ZIM2: variants seen among roughly 807,000 people sequenced by gnomAD.
ZIM2 encodes zinc finger imprinted 2, also known as zinc finger protein 656.
ZIM2 carries 14 observed loss-of-function variants against 38.6 expected under a neutral mutation model. The ratio of observed to expected loss-of-function variants is 0.36; its 90% CI spans 0.24 to 0.57. ZIM2 has a LOEUF of 0.57. ZIM2 is among the 20% of genes least tolerant of loss of function. The pLI is 0.81. For missense variants in ZIM2, 680 were observed against 695.1 expected, an observed-to-expected ratio of 0.98 and a Z score of 0.24; for synonymous variants, 247 against 245.8, an observed-to-expected ratio of 1.00 and a Z score of -0.04.
At chr19:56,796,671 G>C (rs1358724264) in intron 9 of ZIM2, among the ~76,000 whole-genome samples, 2 of 152,180 alleles carry the variant, frequency 1.3e-5, no homozygotes, top group Admixed American at 6.5e-5. Context: ...CCCAGGCAGT[G>C]GGGGGTGGGG....
In ZIM2 at chr19:56,821,691, T is replaced by C. The variant is rs1046834900; in HGVS notation, c.254A>G (p.Glu85Gly). The C allele has an allele frequency of 4.3e-6, 7 of 1,613,850 alleles. No homozygotes were observed. In the African/African-American group the frequency reaches 9.3e-5, roughly 22 times the overall value. Residue 85 changes from glutamate to glycine, a missense_variant, in exon 7 of 13, where the codon GAG (glutamate) becomes GGG (glycine). Coordinates refer to ENST00000629319, the MANE Select transcript of ZIM2 (RefSeq NM_001387356.1). ...VAKTSFEMDR[E>G]DDRDSRAYES... is the part of the protein sequence containing the mutation. ...ATAAGCCCTGGAGTCCCTGTCGTCC[T>C]CTCTGTCCATTTCAAAGCTTGTTTT...
At chr19:56,795,419 C>T (rs911886744) in intron 9 of ZIM2, among the ~76,000 whole-genome samples, 6 of 152,226 alleles carry the variant, frequency 3.9e-5, no homozygotes, top group Admixed American at 1.3e-4. Flanking sequence ...CCTGGCTGGG[C>T]TACCCGCTCG....
At chr19:56,830,612 G>T (rs60539707) in intron 2 of ZIM2, among the ~76,000 whole-genome samples, 1 of 152,098 alleles carries the variant, frequency 6.6e-6, no homozygotes, top group African/African-American at 2.4e-5. Flanking sequence ...AAAAAGAAAA[G>T]TATAAATATG....
rs569781331 is a variant in ZIM2 at position 56,819,053 on chromosome 19, T to C, written c.295-351A>G. ...GGTTTTGTAGAGGGACAGTTCAGGG[T>C]GGGCCTGAACAGTGTGCAAAGGTTT... is the stretch of plus-strand genomic sequence containing the variant. On this transcript the variant is annotated intron_variant, in intron 7 of 12. Coordinates refer to ENST00000629319, the MANE Select transcript of ZIM2 (RefSeq NM_001387356.1). Among the ~76,000 whole-genome samples the C allele has an allele frequency of 7.9e-5, 12 of 152,254 alleles. No individual in the cohort carries two copies. In the East Asian group the frequency reaches 2.3e-3, roughly 29 times the overall value.
intron 9 of ZIM2, chr19:56,815,433 T>C: frequency 6.2e-7 from 1 of 1,614,114 alleles, no homozygotes; most frequent in Non-Finnish European, 8.5e-7. Flanking sequence ...TGACAGACCA[T>C]TCATAGTTTC....
At chr19:56,810,682 TTTAG>T (rs1252113680) in intron 9 of ZIM2, 5 of 974,268 alleles carry the variant, frequency 5.1e-6, no homozygotes, top group African/African-American at 3.5e-5. Context: ...ACAACACTAT[TTTAG>T]TTATTTTCCA....
Position 56,774,672 on chromosome 19 carries a change from T to G in ZIM2, c.*16A>C. 6.2e-7 allele frequency: 1 copy of G among 1,609,638 alleles called. No individual in the cohort carries two copies. The highest frequency in any genetic ancestry group is 8.5e-7 in the Non-Finnish European group (1 of 1,177,048). ...CAATAATGTTGAGAAAAGTGTGTGC[T>G]GTGACTAAAGGTTTCTCAACAGTGA... On this transcript the variant is annotated 3_prime_UTR_variant, in exon 13 of 13. Coordinates refer to ENST00000629319, the MANE Select transcript of ZIM2 (RefSeq NM_001387356.1).
chr19:56,817,011 C>T (rs866925840), intron 9 of ZIM2: 2 of 1,613,910 alleles, frequency 1.2e-6, no homozygotes, highest in South Asian at 1.1e-5. Flanking sequence ...CATAGAGGTT[C>T]TCTCTAGTAT....
intron 6 of ZIM2, 199 bp downstream of exon 6, chr19:56,822,554 C>T: frequency 1.8e-6 from 1 of 562,034 alleles, no homozygotes; most frequent in Non-Finnish European, 3.0e-6. Context: ...TAGGTGGCAA[C>T]AGGTCTATGT....
At chr19:56,819,169 G>A (rs2060249981) in intron 7 of ZIM2, among the ~76,000 whole-genome samples, 1 of 152,110 alleles carries the variant, frequency 6.6e-6, no homozygotes, top group African/African-American at 2.4e-5. Context: ...ATATCAAACA[G>A]GCACGGAGTA....
intron 2 of ZIM2, 109 bp downstream of exon 2, chr19:56,835,909 C>T: frequency 2.3e-6 from 1 of 429,042 alleles, no homozygotes; most frequent in Non-Finnish European, 4.8e-6. Flanking sequence ...ACAAATGGTG[C>T]TGGGGTGGCT....
chr19:56,813,322 T>C (rs1261135889), intron 9 of ZIM2: 2 of 987,382 alleles, frequency 2.0e-6, no homozygotes, highest in Non-Finnish European at 2.4e-6. Context: ...CTATTTTATA[T>C]ACACCTCATG....
chr19:56,813,703 G>A, intron 9 of ZIM2: 1 of 1,613,810 alleles, frequency 6.2e-7, no homozygotes, highest in South Asian at 1.1e-5. Context: ...CTGGTGTCTG[G>A]CGAGGGACAG....
In ZIM2 at chr19:56,813,753, G is replaced by C. The variant is rs1252768095; in HGVS notation, c.490+3993C>G. Reference sequence around the variant, plus strand: ...GCTGCCCACAGACGTCACATTTGAAGTACTTCTCATCAGCTTGATTGGCAC... The same window carrying C: ...GCTGCCCACAGACGTCACATTTGAACTACTTCTCATCAGCTTGATTGGCAC... On this transcript the variant is annotated intron_variant, in intron 9 of 12. Transcript: ENST00000629319. 1.9e-6 allele frequency: 3 copies of C among 1,614,186 alleles called. No homozygotes were observed. In the African/African-American group the frequency reaches 4.0e-5, roughly 22 times the overall value.
chr19:56,819,155 C>T (rs529066096), intron 7 of ZIM2, among the ~76,000 whole-genome samples: 55 of 152,228 alleles, frequency 3.6e-4, no homozygotes, highest in African/African-American at 1.2e-3. Flanking sequence ...AAAACTTAGA[C>T]TAAATATCAA....
intron 9 of ZIM2, chr19:56,812,653 T>C (rs1037215697): frequency 2.0e-6 from 2 of 985,740 alleles, no homozygotes; most frequent in Non-Finnish European, 2.4e-6. Flanking sequence ...GCCTGCAACA[T>C]TATTTACAGC....
At chr19:56,831,354 C>T (rs992529960) in intron 2 of ZIM2, among the ~76,000 whole-genome samples, 10 of 152,138 alleles carry the variant, frequency 6.6e-5, no homozygotes, top group African/African-American at 2.4e-4. Context: ...AACTTTCTTA[C>T]AGCTAAATGG....
chr19:56,793,389 G>C (rs958345080), intron 9 of ZIM2: 2 of 152,680 alleles, frequency 1.3e-5, no homozygotes, highest in African/African-American at 4.8e-5. Context: ...TTACAGGACA[G>C]AGCTACTCTT....
Position 56,818,531 on chromosome 19 carries a change from A to G in ZIM2, c.397+69T>C, listed in dbSNP as rs994563398. Reference sequence around the variant, plus strand: ...TAATGTGGACTCTAACATCCAGCTTAAAAAGGAGCAAGATGACAAAATGCT... The same window carrying G: ...TAATGTGGACTCTAACATCCAGCTTGAAAAGGAGCAAGATGACAAAATGCT... On this transcript the variant is annotated intron_variant, in intron 8 of 12. Coordinates refer to ENST00000629319, the MANE Select transcript of ZIM2 (RefSeq NM_001387356.1). 87 of 1,543,542 alleles carry G rather than the reference A, an allele frequency of 5.6e-5. 1 individual carries two copies. Among genetic ancestry groups the G allele is most frequent in the Non-Finnish European group, 1.3e-5 (14 of 1,119,092 alleles).
Sources: gnomAD v4.1 joint callset for allele counts (sites outside exome capture counted in the v4.1 genomes callset) on GRCh38, gnomAD v4.1.1 for gene constraint, MANE v1.5 for transcripts, NCBI Gene and HGNC (gene_info 2026-07-23, HGNC 2026-07-21) for gene names.